Variants in EPB41L5 observed in about 807,000 individuals in gnomAD.
EPB41L5 encodes the protein band 4.1-like protein 5.
A neutral mutation model predicts 106.6 loss-of-function variants in EPB41L5; 55 were observed. That is an observed-to-expected ratio of 0.52 (90% CI 0.42 to 0.65). EPB41L5 has a LOEUF of 0.65. Ranked by LOEUF, EPB41L5 falls within the 30% of genes least tolerant of loss-of-function variation. The pLI is 0.00. For missense variants in EPB41L5, 871 were observed against 882.1 expected, an observed-to-expected ratio of 0.99 and a Z score of 0.16; for synonymous variants, 297 against 306.7, an observed-to-expected ratio of 0.97 and a Z score of 0.33.
At chr2:120,161,156 C>T (rs1167771182) in intron 21 of EPB41L5, among the ~76,000 whole-genome samples, 182 bp downstream of exon 21, 1 of 151,700 alleles carries the variant, frequency 6.6e-6, no homozygotes, top group African/African-American at 2.4e-5. Context: ...GGCATGTGGA[C>T]CACTTGAGCT....
At chr2:120,022,251 G>C (rs953407196) in intron 2 of EPB41L5, among the ~76,000 whole-genome samples, 2 of 151,996 alleles carry the variant, frequency 1.3e-5, no homozygotes, top group Non-Finnish European at 2.9e-5. Flanking sequence ...TATTACATAG[G>C]TATACACGTG....
At chr2:120,115,197 T>C (rs1310513767) in intron 16 of EPB41L5, among the ~76,000 whole-genome samples, 1 of 152,240 alleles carries the variant, frequency 6.6e-6, no homozygotes, top group South Asian at 2.1e-4. Flanking sequence ...ATCATGTTTT[T>C]TAATTCATTT....
chr2:120,167,394 A>AGTAAGTATT, intron 22 of EPB41L5, 72 bp from the exon 23 acceptor site: 1 of 1,262,552 alleles, frequency 7.9e-7, no homozygotes, highest in Non-Finnish European at 1.2e-6. Flanking sequence ...AATAGATGTA[A>AGTAAGTATT]GTAAGTATTA....
intron 2 of EPB41L5, among the ~76,000 whole-genome samples, chr2:120,041,111 A>G (rs1055954622): frequency 3.3e-5 from 5 of 152,190 alleles, no homozygotes; most frequent in Non-Finnish European, 7.4e-5. Flanking sequence ...TATAGCAACA[A>G]CATACCCCTT....
chr2:120,047,808 C>T lies in EPB41L5; in HGVS notation c.285+5698C>T, dbSNP rs12328958. ...ATACTGGCTGTGGGTTTGTCATAAACAGCTCTTATTATTTTGAGATACTTT... is the reference window on the plus strand; with the variant it reads ...ATACTGGCTGTGGGTTTGTCATAAATAGCTCTTATTATTTTGAGATACTTT... On this transcript the variant is annotated intron_variant, in intron 3 of 24. Coordinates refer to ENST00000263713, the MANE Select transcript of EPB41L5 (RefSeq NM_020909.4). Among the ~76,000 whole-genome samples, 8 of 152,118 alleles carry T rather than the reference C, an allele frequency of 5.3e-5. 1 individual carries two copies. The highest frequency in any genetic ancestry group is 3.3e-4 in the Admixed American group (5 of 15,254).
intron 2 of EPB41L5, among the ~76,000 whole-genome samples, chr2:120,037,477 TCA>T (rs1398163718): frequency 4.6e-5 from 7 of 152,160 alleles, no homozygotes; most frequent in Non-Finnish European, 1.0e-4. Flanking sequence ...GTTAGAGGAC[TCA>T]CAGTTCCTGA....
At chr2:120,148,177 C>T (rs779620185) in intron 20 of EPB41L5, among the ~76,000 whole-genome samples, 8 of 152,084 alleles carry the variant, frequency 5.3e-5, no homozygotes, top group African/African-American at 1.2e-4. Context: ...ACATAATTCA[C>T]ATACCACAAA....
At chr2:120,106,701 T>G in intron 16 of EPB41L5, 2 of 985,404 alleles carry the variant, frequency 2.0e-6, no homozygotes, top group Non-Finnish European at 2.4e-6. Flanking sequence ...GTTTTTACAG[T>G]CAAGGAAACT....
rs1181493041 is a variant in EPB41L5, at chr2:120,100,286, G to T, written c.1221G>T (p.Gln407His). ...NVSTQSNGSQ[Q>H]AWGMRSALPV... Reference sequence around the variant, plus strand: ...CGACCCAAAGTAATGGCTCCCAACAGGTAAGACAATACTAAGCTTCTAAAA... The same window carrying T: ...CGACCCAAAGTAATGGCTCCCAACATGTAAGACAATACTAAGCTTCTAAAA... The change falls in exon 15 of 25, where the codon CAG becomes CAT. Residue 407 changes from glutamine (Q) to histidine (H), a missense_variant and splice_region_variant. Gln to His is a conservative substitution (Grantham distance 24, BLOSUM62 0). Transcript: ENST00000263713. The T allele has an allele frequency of 6.2e-7, 1 of 1,612,694 alleles. No individual in the cohort carries two copies. Among genetic ancestry groups the T allele is most frequent in the Admixed American group, 1.7e-5 (1 of 59,942 alleles).
intron 16 of EPB41L5, chr2:120,106,345 C>G: frequency 1.0e-6 from 1 of 985,108 alleles, no homozygotes; most frequent in Non-Finnish European, 1.2e-6. Context: ...AATTTCATAT[C>G]AAATATTGCA....
At chr2:120,036,833 G>A (rs1432631806) in intron 2 of EPB41L5, among the ~76,000 whole-genome samples, 1 of 151,984 alleles carries the variant, frequency 6.6e-6, no homozygotes, top group African/African-American at 2.4e-5. Context: ...TCCATAAGAG[G>A]AAAGAAAGGA....
In EPB41L5 at chr2:120,019,276, T is replaced by A. The variant is rs763865401; in HGVS notation, c.180+12T>A. 2 of 1,596,698 alleles carry A rather than the reference T, an allele frequency of 1.3e-6. No individual in the cohort carries two copies. The highest frequency in any genetic ancestry group is 1.7e-6 in the Non-Finnish European group (2 of 1,173,306). ...GTGTGGACTTGCCAGTAAGTAGGTC[T>A]TGCTGAGCTCCAAATTCTGTTTGCG... On this transcript the variant is annotated intron_variant, in intron 2 of 24. Transcript: ENST00000263713.
chr2:120,043,349 T>G (rs1574513714), intron 3 of EPB41L5, among the ~76,000 whole-genome samples: 1 of 151,978 alleles, frequency 6.6e-6, no homozygotes, highest in Admixed American at 6.6e-5. Flanking sequence ...GATACCAGCC[T>G]GTCCAACATG....
chr2:120,058,213 C>T (rs1428011933), intron 3 of EPB41L5, among the ~76,000 whole-genome samples: 3 of 152,034 alleles, frequency 2.0e-5, no homozygotes, highest in Admixed American at 1.3e-4. Context: ...CAGGGTTTTG[C>T]TGTCTGTGTC....
At chr2:120,108,010 A>G (rs1248011143) in intron 16 of EPB41L5, among the ~76,000 whole-genome samples, 1 of 152,190 alleles carries the variant, frequency 6.6e-6, no homozygotes, top group Non-Finnish European at 1.5e-5. Context: ...GAAATTGGTG[A>G]AAGGAAAATA....
chr2:120,095,500 C>CT lies in EPB41L5; in HGVS notation c.1178+2236dup, dbSNP rs776154925. 1.8e-3 allele frequency among the ~76,000 whole-genome samples: 257 copies of CT among 143,316 alleles called. 1 individual carries two copies. Among genetic ancestry groups the CT allele is most frequent in the Admixed American group, 2.5e-3 (36 of 14,360 alleles). 94.0% of individuals were successfully genotyped at this position (143,316 alleles called of 152,430 possible). On this transcript the variant is annotated intron_variant, in intron 14 of 24. Coordinates refer to ENST00000263713, the MANE Select transcript of EPB41L5 (RefSeq NM_020909.4). ...CTGAGTCTGTTCGCTTCTCTTTATA[C>CT]TTTTTTTTTTTTAGACTACATAATC...
chr2:120,051,541 A>G lies in EPB41L5; in HGVS notation c.285+9431A>G, dbSNP rs562762215. ...AGGTTGAGAGTTATCTGATTTTTCC[A>G]GGTGCCGCCTGTATTAGGTTGGGAG... On this transcript the variant is annotated intron_variant, in intron 3 of 24. Transcript: ENST00000263713. Among the ~76,000 whole-genome samples, 11 of 152,298 alleles carry G rather than the reference A, an allele frequency of 7.2e-5. 1 individual carries two copies. Among genetic ancestry groups the G allele is most frequent in the Middle Eastern group, 3.4e-3 (1 of 294 alleles).
intron 3 of EPB41L5, among the ~76,000 whole-genome samples, chr2:120,072,592 A>G (rs959989627): frequency 4.6e-5 from 7 of 152,214 alleles, no homozygotes; most frequent in African/African-American, 1.7e-4. Context: ...ATGGAATACT[A>G]TGCAGCCATA....
At chr2:120,128,290 C>CACACAT (rs1293613053) in intron 17 of EPB41L5, among the ~76,000 whole-genome samples, 2 of 151,652 alleles carry the variant, frequency 1.3e-5, no homozygotes, top group Admixed American at 1.3e-4. Flanking sequence ...CACACACACA[C>CACACAT]ATTTTTGAAG....
Sources: allele counts gnomAD v4.1 joint callset (sites outside exome capture counted in the v4.1 genomes callset), GRCh38; gene constraint gnomAD v4.1.1; transcripts MANE v1.5; gene names NCBI Gene and HGNC (gene_info 2026-07-23, HGNC 2026-07-21).